Variants in GRM7 observed in about 807,000 individuals in gnomAD.
The protein encoded by GRM7 is metabotropic glutamate receptor 7.
Under a neutral mutation model 84.5 loss-of-function variants are expected in GRM7, and 35 were observed. The ratio of observed to expected loss-of-function variants is 0.41; its 90% CI spans 0.32 to 0.55. GRM7 has a LOEUF of 0.55. Ranked by LOEUF, GRM7 falls within the 20% of genes least tolerant of loss-of-function variation. The pLI is 0.19. For synonymous variants in GRM7, 487 were observed against 455.1 expected (o/e 1.07, Z -0.89); for missense variants, 1,003 against 1,194.6 (o/e 0.84, Z 2.36).
At chr3:7,412,813 T>C in intron 4 of GRM7, among the ~76,000 whole-genome samples, 1 of 152,172 alleles carries the variant, frequency 6.6e-6, no homozygotes, top group East Asian at 1.9e-4. Context: ...GAATGATCTT[T>C]TTCCTTTAAC....
chr3:6,966,907 CCT>C (rs1693541109), intron 1 of GRM7, among the ~76,000 whole-genome samples: 1 of 152,144 alleles, frequency 6.6e-6, no homozygotes, highest in Non-Finnish European at 1.5e-5. Context: ...TGAGGCTTAA[CCT>C]CTTTCACCTT....
chr3:7,320,414 G>C (rs1337329827), intron 4 of GRM7, among the ~76,000 whole-genome samples: 1 of 151,992 alleles, frequency 6.6e-6, no homozygotes, highest in Non-Finnish European at 1.5e-5. Context: ...TTGGACAAAG[G>C]GGGTATGATC....
intron 4 of GRM7, among the ~76,000 whole-genome samples, chr3:7,406,446 G>A (rs1242620015): frequency 6.6e-6 from 1 of 150,542 alleles, no homozygotes; most frequent in African/African-American, 2.5e-5. Context: ...CTTGCAGTGA[G>A]CCGAGATCAC....
chr3:7,015,709 A>G (rs987011820), intron 1 of GRM7, among the ~76,000 whole-genome samples: 10 of 152,094 alleles, frequency 6.6e-5, no homozygotes, highest in Non-Finnish European at 1.3e-4. Flanking sequence ...TCATGTGGCT[A>G]TTGGCAGAAA....
intron 1 of GRM7, among the ~76,000 whole-genome samples, chr3:7,093,583 A>G (rs1698743551): frequency 6.9e-6 from 1 of 145,924 alleles, no homozygotes; most frequent in African/African-American, 2.5e-5. Flanking sequence ...GGGCTGAGGG[A>G]GAAGAATTGC....
chr3:6,946,017 C>A (rs1178433057), intron 1 of GRM7, among the ~76,000 whole-genome samples: 2 of 152,162 alleles, frequency 1.3e-5, no homozygotes, highest in Non-Finnish European at 2.9e-5. Context: ...GTTGCCTGTT[C>A]ACTATGACAG....
intron 9 of GRM7, among the ~76,000 whole-genome samples, chr3:7,731,385 G>A (rs1702327138): frequency 6.6e-6 from 1 of 152,208 alleles, no homozygotes; most frequent in African/African-American, 2.4e-5. Flanking sequence ...CCCTCCTAGA[G>A]CTGACAATGA....
At chr3:7,098,995 G>A (rs1200860952) in intron 1 of GRM7, among the ~76,000 whole-genome samples, 3 of 151,612 alleles carry the variant, frequency 2.0e-5, no homozygotes, top group African/African-American at 7.3e-5. Context: ...TGAAGTTTTA[G>A]CATTATCTTT....
intron 4 of GRM7, among the ~76,000 whole-genome samples, chr3:7,394,302 C>A (rs1023918693): frequency 7.9e-5 from 12 of 152,196 alleles, no homozygotes; most frequent in Non-Finnish European, 1.2e-4. Flanking sequence ...CACAGCATTT[C>A]TTCTGCTCGT....
At chr3:7,114,283 C>G (rs1692957149) in intron 1 of GRM7, among the ~76,000 whole-genome samples, 1 of 152,158 alleles carries the variant, frequency 6.6e-6, no homozygotes, top group Admixed American at 6.5e-5. Flanking sequence ...GGTTATTACA[C>G]AAATGCAACC....
intron 1 of GRM7, among the ~76,000 whole-genome samples, chr3:6,957,748 T>A (rs73126733): frequency 2.0e-5 from 3 of 152,192 alleles, no homozygotes; most frequent in Admixed American, 6.5e-5. Context: ...ACACCTTCAA[T>A]GTTTCATCCA....
At chr3:7,335,893 G>A (rs906816843) in intron 4 of GRM7, among the ~76,000 whole-genome samples, 2 of 151,970 alleles carry the variant, frequency 1.3e-5, no homozygotes, top group South Asian at 2.1e-4. Flanking sequence ...AACAAGCAGT[G>A]ATACCGAAAT....
chr3:7,178,249 G>T (rs535478492), intron 2 of GRM7, among the ~76,000 whole-genome samples: 94 of 152,238 alleles, frequency 6.2e-4, no homozygotes, highest in Admixed American at 5.0e-3. Flanking sequence ...CAATATATTA[G>T]ACATAACATA....
At chr3:6,906,286 C>T (rs1284526248) in intron 1 of GRM7, among the ~76,000 whole-genome samples, 1 of 152,106 alleles carries the variant, frequency 6.6e-6, no homozygotes, top group Non-Finnish European at 1.5e-5. Flanking sequence ...TGTTATCTCA[C>T]TGGGCAGCTG....
intron 1 of GRM7, among the ~76,000 whole-genome samples, chr3:6,883,890 T>A (rs1294833384): frequency 6.6e-6 from 1 of 152,140 alleles, no homozygotes; most frequent in Non-Finnish European, 1.5e-5. Context: ...GTTATCTTGG[T>A]CTCTTCTGGA....
chr3:7,066,905 G>T (rs1421812965), intron 1 of GRM7, among the ~76,000 whole-genome samples: 1 of 151,858 alleles, frequency 6.6e-6, no homozygotes, highest in Non-Finnish European at 1.5e-5. Context: ...CACATAAACA[G>T]ATTTAAAAAC....
At chr3:6,920,820 T>C (rs183190536) in intron 1 of GRM7, among the ~76,000 whole-genome samples, 10 of 152,204 alleles carry the variant, frequency 6.6e-5, no homozygotes, top group African/African-American at 2.2e-4. Context: ...TATATGAGCT[T>C]CTTGTATTTC....
intron 9 of GRM7, among the ~76,000 whole-genome samples, chr3:7,710,702 G>T (rs1210287865): frequency 5.3e-5 from 8 of 152,074 alleles, no homozygotes; most frequent in Admixed American, 5.2e-4. Flanking sequence ...GAAGATGCTG[G>T]GCTCTTTCCT....
rs755938869 is a variant in GRM7, at chr3:7,579,009, A to G, written c.2103A>G (p.Ser701=). The change falls in exon 8 of 10, where the codon TCA becomes TCG. Residue 701 remains serine (S), a synonymous_variant. Transcript: ENST00000357716. ...CTCCCAGACTCATAAGCCCAACATC[A>G]CAACTGGCAATCACTTCCAGTTTAA... ...VTAPRLISPT[S]QLAITSSLIS... is the part of the protein sequence containing the mutation. 11 of 1,613,852 alleles carry G rather than the reference A, an allele frequency of 6.8e-6. No individual in the cohort carries two copies. The highest frequency in any genetic ancestry group is 9.3e-6 in the Non-Finnish European group (11 of 1,179,912).
Sources: allele counts gnomAD v4.1 joint callset (sites outside exome capture counted in the v4.1 genomes callset), GRCh38; gene constraint gnomAD v4.1.1; transcripts MANE v1.5; gene names NCBI Gene and HGNC (gene_info 2026-07-23, HGNC 2026-07-21).